Variants in NPFFR2 observed in about 807,000 individuals in gnomAD.
NPFFR2 encodes the protein neuropeptide FF receptor 2, also known as G-protein coupled receptor 74.
Under a neutral mutation model 13.1 loss-of-function variants are expected in NPFFR2, and 15 were observed. The observed-to-expected ratio is 1.15, with a 90% CI of 0.77 to 1.76. The LOEUF (loss-of-function observed/expected upper bound fraction) is 1.76. Ranked by LOEUF, NPFFR2 falls within the 40% of genes most tolerant of loss-of-function variation. NPFFR2 has a pLI of 0.00. For synonymous variants in NPFFR2, 190 were observed against 175.7 expected, an observed-to-expected ratio of 1.08 and a Z score of -0.65; for missense variants, 572 against 503.5, an observed-to-expected ratio of 1.14 and a Z score of -1.30.
intron 1 of NPFFR2, among the ~76,000 whole-genome samples, chr4:72,083,517 AT>A (rs1235597043): frequency 0.036 from 7 of 192 alleles, no homozygotes; most frequent in Non-Finnish European, 0.09. Context: ...CCTTTTTGAA[AT>A]AACTTTATTG....
At chr4:72,038,606 T>G (rs1415370815) in intron 1 of NPFFR2, among the ~76,000 whole-genome samples, 1 of 152,150 alleles carries the variant, frequency 6.6e-6, no homozygotes, top group Non-Finnish European at 1.5e-5. Context: ...GAAAAAAATT[T>G]GAAAAAGCTA....
At chr4:72,074,417 A>AT (rs1720365420) in intron 1 of NPFFR2, among the ~76,000 whole-genome samples, 1 of 152,080 alleles carries the variant, frequency 6.6e-6, no homozygotes, top group Admixed American at 6.6e-5. Flanking sequence ...CATTCACATA[A>AT]TTTTTATTAC....
intron 1 of NPFFR2, among the ~76,000 whole-genome samples, chr4:72,074,600 C>T (rs6842445): frequency 0.9 from 136,738 of 151,948 alleles, 62,474 homozygotes; most frequent in Non-Finnish European, 0.98. Flanking sequence ...GGTCTGGGAG[C>T]GTATCCCCTA....
chr4:72,036,119 C>T (rs941201162), intron 1 of NPFFR2, among the ~76,000 whole-genome samples: 1 of 152,130 alleles, frequency 6.6e-6, no homozygotes, highest in African/African-American at 2.4e-5. Context: ...CTCATTTAAT[C>T]TTCATGATTT....
At chr4:72,089,001 T>G (rs562301165) in intron 1 of NPFFR2, among the ~76,000 whole-genome samples, 1 of 151,972 alleles carries the variant, frequency 6.6e-6, no homozygotes, top group Non-Finnish European at 1.5e-5. Context: ...TTCCACTGAG[T>G]CCTCAAAATC....
chr4:72,134,365 A>G (rs1158192851), intron 2 of NPFFR2, among the ~76,000 whole-genome samples: 5 of 152,076 alleles, frequency 3.3e-5, no homozygotes, highest in Non-Finnish European at 7.4e-5. Flanking sequence ...AATTACTACT[A>G]TATTTCTAAA....
intron 1 of NPFFR2, among the ~76,000 whole-genome samples, chr4:72,082,845 T>C (rs769432206): frequency 6.6e-6 from 1 of 151,906 alleles, no homozygotes; most frequent in East Asian, 1.9e-4. Flanking sequence ...TGGTAGCCCC[T>C]ATTTTCCAAT....
chr4:72,071,038 T>C (rs1223585333), intron 1 of NPFFR2, among the ~76,000 whole-genome samples: 1 of 152,156 alleles, frequency 6.6e-6, no homozygotes, highest in Admixed American at 6.6e-5. Flanking sequence ...TTTATCACTG[T>C]TAGCAAATTA....
At chr4:72,085,688 T>G (rs1720746798) in intron 1 of NPFFR2, among the ~76,000 whole-genome samples, 1 of 152,136 alleles carries the variant, frequency 6.6e-6, no homozygotes, top group South Asian at 2.1e-4. Context: ...GATGGGACAA[T>G]CCAGATGTAA....
intron 1 of NPFFR2, among the ~76,000 whole-genome samples, chr4:72,069,649 A>G (rs1051104800): frequency 7.9e-5 from 12 of 152,172 alleles, no homozygotes; most frequent in Admixed American, 5.9e-4. Context: ...AATAAAGTCA[A>G]AAGCTTTTCC....
chr4:72,083,294 T>A (rs187986438), intron 1 of NPFFR2, among the ~76,000 whole-genome samples: 66 of 152,306 alleles, frequency 4.3e-4, no homozygotes, highest in African/African-American at 1.4e-3. Flanking sequence ...TTGTATTAAT[T>A]TATATTTCTA....
intron 1 of NPFFR2, among the ~76,000 whole-genome samples, chr4:72,033,082 C>T (rs1308358731): frequency 6.6e-6 from 1 of 152,072 alleles, no homozygotes; most frequent in African/African-American, 2.4e-5. Flanking sequence ...AAATAACTTT[C>T]AAGTGGGAAC....
At chr4:72,038,607 G>A (rs982650731) in intron 1 of NPFFR2, among the ~76,000 whole-genome samples, 20 of 152,058 alleles carry the variant, frequency 1.3e-4, no homozygotes, top group Non-Finnish European at 2.4e-4. Flanking sequence ...AAAAAAATTT[G>A]AAAAAGCTAT....
rs142286270 is a variant in NPFFR2 at position 72,093,380 on chromosome 4, A to G, written c.-7-35205A>G. Among the ~76,000 whole-genome samples the G allele has an allele frequency of 3.0e-3, 450 of 152,326 alleles. 2 individuals carry two copies. Among genetic ancestry groups the G allele is most frequent in the African/African-American group, 0.011 (442 of 41,574 alleles). On this transcript the variant is annotated intron_variant, in intron 1 of 3. Coordinates refer to ENST00000308744, the MANE Select transcript of NPFFR2 (RefSeq NM_004885.3). ...CTTGTATTTGGATGTCTAGATCTCT[A>G]GCAAGGCCAGGTAAGTTTTTCTTGA...
chr4:72,039,618 A>G (rs1173859262), intron 1 of NPFFR2, among the ~76,000 whole-genome samples: 1 of 152,200 alleles, frequency 6.6e-6, no homozygotes, highest in African/African-American at 2.4e-5. Context: ...TATATAATAT[A>G]CCGTGATATG....
intron 2 of NPFFR2, among the ~76,000 whole-genome samples, chr4:72,133,272 A>C (rs1722308010): frequency 6.6e-6 from 1 of 151,950 alleles, no homozygotes; most frequent in Non-Finnish European, 1.5e-5. Flanking sequence ...TTTCCCCATT[A>C]CTTGCCCATT....
Position 72,047,758 on chromosome 4 carries a change from T to C in NPFFR2, c.-8+15558T>C, listed in dbSNP as rs551290328. Among the ~76,000 whole-genome samples, 8 of 152,318 alleles carry C rather than the reference T, an allele frequency of 5.3e-5. No homozygotes were observed. In the South Asian group the frequency reaches 1.7e-3, roughly 32 times the overall value. ...ATAGAAATATATGCGTATATGTTAA[T>C]AATAGTTGGGTCTTACAGAGTATTT... On this transcript the variant is annotated intron_variant, in intron 1 of 3. Transcript: ENST00000308744.
At chr4:72,121,300 G>T (rs2109827766) in intron 1 of NPFFR2, among the ~76,000 whole-genome samples, 1 of 152,252 alleles carries the variant, frequency 6.6e-6, no homozygotes, top group Middle Eastern at 3.4e-3. Flanking sequence ...GTGACAGGGA[G>T]AATAGAACCA....
chr4:72,078,767 C>T (rs1452522094), intron 1 of NPFFR2, among the ~76,000 whole-genome samples: 1 of 151,980 alleles, frequency 6.6e-6, no homozygotes, highest in South Asian at 2.1e-4. Context: ...TACAAACATA[C>T]CCAAATTTTT....
Sources: gnomAD v4.1 joint callset for allele counts (sites outside exome capture counted in the v4.1 genomes callset) on GRCh38, gnomAD v4.1.1 for gene constraint, MANE v1.5 for transcripts, NCBI Gene and HGNC (gene_info 2026-07-23, HGNC 2026-07-21) for gene names.